The following CNOT2 variants were observed in gnomAD, a reference collection of about 807,000 sequenced individuals.
The protein encoded by CNOT2 is CC chemokine receptor 4-negative regulator of transcription 2.
A neutral mutation model predicts 72.1 loss-of-function variants in CNOT2; 7 were observed. The observed-to-expected ratio is 0.10, with a 90% CI of 0.06 to 0.18. CNOT2 has a LOEUF of 0.18. Among genes scored for constraint, CNOT2 ranks in the 10% least tolerant of loss-of-function variants. The probability of loss-of-function intolerance (pLI) is 1.00; values close to 1 mark genes in which losing one functional copy is unlikely to be tolerated. For missense variants in CNOT2, 345 were observed against 660.3 expected (o/e 0.52, Z 5.23); for synonymous variants, 196 against 225.6 (o/e 0.87, Z 1.17).
intron 4 of CNOT2, chr12:70,323,154 T>C (rs1878559356): frequency 6.6e-6 from 1 of 151,658 alleles, no homozygotes; most frequent in East Asian, 1.9e-4. Context: ...GACAAATACT[T>C]ATGGGTCCCT....
Position 70,304,603 on chromosome 12 carries a change from C to T in CNOT2, c.49-6292C>T, listed in dbSNP as rs139296283. Among the ~76,000 whole-genome samples, 885 of 151,952 alleles carry T rather than the reference C, an allele frequency of 5.8e-3. 3 individuals are homozygous for T. Among genetic ancestry groups the T allele is most frequent in the Middle Eastern group, 0.014 (4 of 294 alleles). ...TATCTGGCCGTGTGGGGTGTCAGTC[C>T]GCCCCTACTGGGGGGTCAGGGACCC... On this transcript the variant is annotated intron_variant, in intron 2 of 15. Transcript: ENST00000229195.
chr12:70,323,610 A>G (rs1258152438), intron 4 of CNOT2: 2 of 151,786 alleles, frequency 1.3e-5, no homozygotes, highest in Non-Finnish European at 2.9e-5. Context: ...TTGTTTTAGC[A>G]GTGGGAATAA....
chr12:70,317,241 G>T (rs1424550368), intron 3 of CNOT2, among the ~76,000 whole-genome samples: 1 of 151,978 alleles, frequency 6.6e-6, no homozygotes, highest in East Asian at 1.9e-4. Flanking sequence ...TACTAAAAAG[G>T]ATAAAACTTC....
chr12:70,339,014 A>ATGTGTGTGTGTGTGTATGTG (rs1881088919), intron 11 of CNOT2, among the ~76,000 whole-genome samples, 192 bp downstream of exon 11: 1 of 130,966 alleles, frequency 7.6e-6, no homozygotes, highest in Non-Finnish European at 1.6e-5. Flanking sequence ...TTGGCATTTT[A>ATGTGTGTGTGTGTGTATGTG]TGTGTGTGTG....
intron 1 of CNOT2, among the ~76,000 whole-genome samples, chr12:70,266,527 T>C (rs1418789991): frequency 6.6e-6 from 1 of 152,208 alleles, no homozygotes; most frequent in Non-Finnish European, 1.5e-5. Context: ...TTATAATTAC[T>C]TAGAGGAGTA....
chr12:70,290,145 T>C (rs1871632555), intron 2 of CNOT2, among the ~76,000 whole-genome samples: 1 of 152,158 alleles, frequency 6.6e-6, no homozygotes, highest in Non-Finnish European at 1.5e-5. Flanking sequence ...TATGTTTTTC[T>C]ACTCTGGCTC....
chr12:70,331,923 C>G (rs1880007532), intron 6 of CNOT2, among the ~76,000 whole-genome samples: 1 of 151,494 alleles, frequency 6.6e-6, no homozygotes, highest in African/African-American at 2.4e-5. Flanking sequence ...ATTAACAATT[C>G]CTGTTGACAC....
chr12:70,328,227 G>A (rs1003725433), intron 4 of CNOT2, among the ~76,000 whole-genome samples: 1 of 151,886 alleles, frequency 6.6e-6, no homozygotes, highest in African/African-American at 2.4e-5. Context: ...GATACAGGCT[G>A]CCAAATTTAA....
At chr12:70,282,693 C>T (rs757151129) in intron 2 of CNOT2, among the ~76,000 whole-genome samples, 10 of 152,202 alleles carry the variant, frequency 6.6e-5, no homozygotes, top group Non-Finnish European at 1.2e-4. Flanking sequence ...ATTCTTTCCT[C>T]TGCCCTCTTC....
chr12:70,320,679 G>A (rs1878149072), intron 4 of CNOT2, among the ~76,000 whole-genome samples: 1 of 151,666 alleles, frequency 6.6e-6, no homozygotes, highest in Admixed American at 6.6e-5. Context: ...GAAATATCTA[G>A]CTATTTTAAA....
chr12:70,309,005 A>T (rs1875977130), intron 2 of CNOT2, among the ~76,000 whole-genome samples: 1 of 152,172 alleles, frequency 6.6e-6, no homozygotes. Context: ...CTTTCAAAAA[A>T]CAAACTTCTA....
intron 4 of CNOT2, among the ~76,000 whole-genome samples, chr12:70,321,133 T>C (rs1472305710): frequency 6.6e-6 from 1 of 151,898 alleles, no homozygotes; most frequent in Admixed American, 6.6e-5. Context: ...TATATTCCTG[T>C]AACATTGGTG....
intron 1 of CNOT2, among the ~76,000 whole-genome samples, chr12:70,264,690 T>C (rs1179046616): frequency 6.6e-6 from 1 of 152,110 alleles, no homozygotes; most frequent in Non-Finnish European, 1.5e-5. Flanking sequence ...AACCCTTGAC[T>C]GGAAACTAGG....
rs1876351644 is a variant in CNOT2 at position 70,310,960 on chromosome 12, T to C, written c.114T>C (p.His38=). 2 of 1,606,838 alleles carry C rather than the reference T, an allele frequency of 1.2e-6. No individual in the cohort carries two copies. The highest frequency in any genetic ancestry group is 8.5e-7 in the Non-Finnish European group (1 of 1,173,840). ...KFVEGVDSDY[H]DENMYYSQSS... is the part of the protein sequence containing the mutation. ...TAGAGGGGGTCGACAGTGACTACCA[T>C]GACGAAAACATGTACTACAGCCAGT... The change falls in exon 3 of 16, where the codon CAT becomes CAC. Residue 38 remains histidine, a synonymous_variant. Coordinates refer to ENST00000229195, the MANE Select transcript of CNOT2 (RefSeq NM_014515.7).
At chr12:70,340,900 T>C (rs2136063449) in intron 11 of CNOT2, among the ~76,000 whole-genome samples, 1 of 148,878 alleles carries the variant, frequency 6.7e-6, no homozygotes, top group Non-Finnish European at 1.5e-5. Flanking sequence ...TTTTTTTTTT[T>C]TTTTTTTTTT....
chr12:70,334,759 A>G (rs1381371014), intron 7 of CNOT2: 5 of 152,040 alleles, frequency 3.3e-5, no homozygotes, highest in Non-Finnish European at 5.9e-5. Flanking sequence ...AATTTATTCT[A>G]TATATATTTA....
intron 15 of CNOT2, among the ~76,000 whole-genome samples, chr12:70,349,081 TAA>T (rs1882556436): frequency 6.6e-6 from 1 of 152,132 alleles, no homozygotes; most frequent in South Asian, 2.1e-4. Context: ...TTGTTGGTAT[TAA>T]GATATTAATG....
intron 2 of CNOT2, among the ~76,000 whole-genome samples, chr12:70,303,623 G>A (rs1370577640): frequency 3.3e-5 from 5 of 152,096 alleles, no homozygotes; most frequent in Admixed American, 6.6e-5. Flanking sequence ...TGGGTAACCC[G>A]ACCTTTCTCT....
chr12:70,302,068 C>T (rs1429399059), intron 2 of CNOT2, among the ~76,000 whole-genome samples: 2 of 151,944 alleles, frequency 1.3e-5, no homozygotes, highest in Non-Finnish European at 2.9e-5. Flanking sequence ...TGGTGATATC[C>T]CCTTTGGCAT....
Sources: allele counts gnomAD v4.1 joint callset (sites outside exome capture counted in the v4.1 genomes callset), GRCh38; gene constraint gnomAD v4.1.1; transcripts MANE v1.5; gene names NCBI Gene and HGNC (gene_info 2026-07-23, HGNC 2026-07-21).